The following PNPLA1 variants were observed in gnomAD, a reference collection of about 807,000 sequenced individuals.
PNPLA1 encodes patatin like domain 1, omega-hydroxyceramide transacylase, also known as omega-hydroxyceramide transacylase.
A neutral mutation model predicts 51.7 loss-of-function variants in PNPLA1; 36 were observed. That is an observed-to-expected ratio of 0.70 (90% CI 0.53 to 0.92). The LOEUF (loss-of-function observed/expected upper bound fraction) is 0.92, where lower values mean the gene tolerates loss of function less well. Ranked by LOEUF, PNPLA1 falls within the 40% of genes least tolerant of loss-of-function variation. The probability of loss-of-function intolerance (pLI) is 0.00; values close to 1 mark genes in which losing one functional copy is unlikely to be tolerated. For synonymous variants in PNPLA1, 293 were observed against 280.1 expected, an observed-to-expected ratio of 1.05 and a Z score of -0.46; for missense variants, 658 against 682.5, an observed-to-expected ratio of 0.96 and a Z score of 0.40.
rs1382621017 is a variant in PNPLA1 at position 36,276,750 on chromosome 6, G to GTTCC, written c.205+6089_205+6090insCTTC. Among the ~76,000 whole-genome samples the GTTCC allele has an allele frequency of 3.6e-5, 5 of 139,710 alleles. No individual in the cohort carries two copies. In the East Asian group the frequency reaches 8.3e-4, roughly 23 times the overall value. 91.7% of individuals were successfully genotyped at this position (139,710 alleles called of 152,430 possible). A position where few individuals can be genotyped will look rare whatever the true frequency, so the allele number is the denominator to read the frequency against. On this transcript the variant is annotated intron_variant, in intron 1 of 8. Coordinates refer to ENST00000636260, the MANE Select transcript of PNPLA1 (RefSeq NM_001374623.1). ...CGTCCCTTCGTTCCTTTCTTCGTTC[G>GTTCC]TTCGTTCCTTCCTTCCTTCCTTCCT...
intron 1 of PNPLA1, among the ~76,000 whole-genome samples, chr6:36,277,122 C>A (rs952303288): frequency 6.6e-6 from 1 of 152,154 alleles, no homozygotes; most frequent in Non-Finnish European, 1.5e-5. Flanking sequence ...CATGACAACA[C>A]GACAAAGCCA....
At chr6:36,267,888 ACTC>A (rs1158524151), upstream of PNPLA1, among the ~76,000 whole-genome samples, 13 of 151,732 alleles carry the variant, frequency 8.6e-5, no homozygotes, top group Admixed American at 7.9e-4. Flanking sequence ...AGTTTCCCCA[ACTC>A]TGCAGGAGGC....
intron 8 of PNPLA1, chr6:36,308,599 C>G (rs1189555562): frequency 6.6e-6 from 1 of 152,102 alleles, no homozygotes; most frequent in Non-Finnish European, 1.5e-5. Flanking sequence ...AAACTCTATC[C>G]CCAAGTTTCA....
At chr6:36,267,498 CAT>C (rs1322492010), upstream of PNPLA1, among the ~76,000 whole-genome samples, 2 of 152,174 alleles carry the variant, frequency 1.3e-5, no homozygotes, top group Non-Finnish European at 2.9e-5. Flanking sequence ...GGAACAGAAA[CAT>C]ATGTGCATTC....
intron 8 of PNPLA1, among the ~76,000 whole-genome samples, chr6:36,308,896 G>A (rs1326030198): frequency 6.6e-6 from 1 of 152,226 alleles, no homozygotes. Flanking sequence ...TCGGGAGGCT[G>A]AGGCAGGAGG....
At position 36,307,580 on chromosome 6, in the gene PNPLA1, T is replaced by A; in HGVS notation, c.1470-7T>A. 1 of 1,612,954 alleles carries A rather than the reference T, an allele frequency of 6.2e-7. No individual in the cohort carries two copies. Among genetic ancestry groups the A allele is most frequent in the Non-Finnish European group, 8.5e-7 (1 of 1,179,406 alleles). ...TAATGAACCATCTACTTAATCTCTT[T>A]GCCTAGGGAGAGCCCTGCTGAAGAC... On this transcript the variant is annotated splice_region_variant and splice_polypyrimidine_tract_variant and intron_variant, in intron 7 of 8. Transcript: ENST00000636260.
At chr6:36,272,472 G>T (rs1190445800) in intron 1 of PNPLA1, among the ~76,000 whole-genome samples, 1 of 152,198 alleles carries the variant, frequency 6.6e-6, no homozygotes, top group Non-Finnish European at 1.5e-5. Context: ...ACAGACCCGG[G>T]GCCATGGCCT....
At chr6:36,307,860 A>G in intron 8 of PNPLA1, 148 bp downstream of exon 8, 1 of 1,038,708 alleles carries the variant, frequency 9.6e-7, no homozygotes, top group Non-Finnish European at 1.3e-6. Flanking sequence ...TCCGACATAA[A>G]ATTCCTGCTC....
At chr6:36,259,947 A>G (rs1204884710) in intron 1 of PNPLA1, among the ~76,000 whole-genome samples, 1 of 152,136 alleles carries the variant, frequency 6.6e-6, no homozygotes, top group Non-Finnish European at 1.5e-5. Context: ...CCAGGTAACA[A>G]ATCTGCATAT....
chr6:36,286,264 C>T (rs559240243), intron 1 of PNPLA1, among the ~76,000 whole-genome samples: 5 of 152,284 alleles, frequency 3.3e-5, no homozygotes, highest in African/African-American at 1.2e-4. Flanking sequence ...GGGATTTGAA[C>T]CAAATCTGCC....
At chr6:36,274,188 G>A (rs1219083863) in intron 1 of PNPLA1, among the ~76,000 whole-genome samples, 1 of 152,172 alleles carries the variant, frequency 6.6e-6, no homozygotes, top group Non-Finnish European at 1.5e-5. Flanking sequence ...TTTTACAGAG[G>A]AGGAAAATGA....
intron 5 of PNPLA1, among the ~76,000 whole-genome samples, chr6:36,296,855 G>C (rs1321057721): frequency 6.6e-6 from 1 of 152,160 alleles, no homozygotes; most frequent in Non-Finnish European, 1.5e-5. Flanking sequence ...AAAAAAGGGG[G>C]TTTAGATCCT....
chr6:36,288,791 G>T (rs7758754), intron 1 of PNPLA1, among the ~76,000 whole-genome samples: 64,372 of 151,880 alleles, frequency 0.42, 14,036 homozygotes, highest in African/African-American at 0.51. Flanking sequence ...AAAAAAATCA[G>T]CTGGGTGCGG....
At chr6:36,306,266 C>T in intron 6 of PNPLA1, 26 bp from the exon 7 acceptor site, 1 of 1,578,728 alleles carries the variant, frequency 6.3e-7, no homozygotes, top group Non-Finnish European at 8.6e-7. Flanking sequence ...CCATCTCACT[C>T]CCGTTTCCTA....
chr6:36,273,727 G>A lies in PNPLA1; in HGVS notation c.205+3063G>A, dbSNP rs1271099739. 5.8e-4 allele frequency among the ~76,000 whole-genome samples: 7 copies of A among 11,970 alleles called. 1 individual carries two copies. In the Admixed American group the frequency reaches 7.7e-3, roughly 13 times the overall value. The allele number at this position is 11,970 out of a possible 152,430, so 7.9% of individuals were successfully genotyped here. On this transcript the variant is annotated intron_variant, in intron 1 of 8. Transcript: ENST00000636260. The stretch of plus-strand genomic sequence containing the variant: ...CTGGATAGTACAGGAAGACCCCATC[G>A]CAAAAAAAAAAAAAAAAAAAAAAAA...
At chr6:36,265,625 A>C (rs1258734623), upstream of PNPLA1, among the ~76,000 whole-genome samples, 3 of 152,234 alleles carry the variant, frequency 2.0e-5, no homozygotes, top group Admixed American at 1.3e-4. Context: ...AGAAATATTT[A>C]AGAGCTCTTG....
chr6:36,312,309 T>G lies in PNPLA1; in HGVS notation c.*423T>G, dbSNP rs1174554600. ...CAAGTATCAGTTGAACTTTCATACA[T>G]GGAATGATGTTTCAAACACCCTTTT... On this transcript the variant is annotated 3_prime_UTR_variant, in exon 9 of 9. Coordinates refer to ENST00000636260, the MANE Select transcript of PNPLA1 (RefSeq NM_001374623.1). 2 of 152,320 alleles carry G rather than the reference T, an allele frequency of 1.3e-5. No homozygotes were observed. The highest frequency in any genetic ancestry group is 1.3e-4 in the Admixed American group (2 of 15,304). The allele number at this position is 152,320 out of a possible 1,614,324, so 9.4% of individuals were successfully genotyped here.
At chr6:36,252,269 GA>G (rs1470234041) in intron 1 of PNPLA1, among the ~76,000 whole-genome samples, 1 of 152,190 alleles carries the variant, frequency 6.6e-6, no homozygotes, top group African/African-American at 2.4e-5. Context: ...GGGCTTTCTA[GA>G]AAGGGTTTTT....
chr6:36,308,425 C>G (rs143043309), intron 8 of PNPLA1: 1 of 152,214 alleles, frequency 6.6e-6, no homozygotes, highest in Non-Finnish European at 1.5e-5. Flanking sequence ...ACGTGACACT[C>G]AAATGTTGCC....
Sources: gnomAD v4.1 joint callset for allele counts (sites outside exome capture counted in the v4.1 genomes callset) on GRCh38, gnomAD v4.1.1 for gene constraint, MANE v1.5 for transcripts, NCBI Gene and HGNC (gene_info 2026-07-23, HGNC 2026-07-21) for gene names.